UBTD1: variants seen among roughly 807,000 people sequenced by gnomAD.
UBTD1 encodes the protein ubiquitin domain containing 1.
A neutral mutation model predicts 21.7 loss-of-function variants in UBTD1; 19 were observed. That is an observed-to-expected ratio of 0.87 (90% CI 0.61 to 1.28). UBTD1 has a LOEUF of 1.28. Ranked by LOEUF, UBTD1 falls within the 50% of genes most tolerant of loss-of-function variation. UBTD1 has a pLI of 0.00. For missense variants in UBTD1, 282 were observed against 315.1 expected, an observed-to-expected ratio of 0.89 and a Z score of 0.80; for synonymous variants, 116 against 135.1, an observed-to-expected ratio of 0.86 and a Z score of 0.98.
chr10:97,506,085 C>A lies in UBTD1; in HGVS notation c.70+6812C>A, dbSNP rs2040398426. Among the ~76,000 whole-genome samples, 3 of 152,040 alleles carry A rather than the reference C, an allele frequency of 2.0e-5. No homozygotes were observed. The South Asian group carries it at 6.2e-4, about 31-fold the overall frequency. Reference sequence around the variant, plus strand: ...AGCGCCTGCTTGGTGAGAGTGGGACCACAAAAGGTTCTTTCTCTCAAAAGT... The same window carrying A: ...AGCGCCTGCTTGGTGAGAGTGGGACAACAAAAGGTTCTTTCTCTCAAAAGT... On this transcript the variant is annotated intron_variant, in intron 1 of 2. Coordinates refer to ENST00000370664, the MANE Select transcript of UBTD1 (RefSeq NM_024954.5).
chr10:97,500,000 T>C (rs888104287), intron 1 of UBTD1, among the ~76,000 whole-genome samples: 23 of 152,306 alleles, frequency 1.5e-4, no homozygotes, highest in Admixed American at 5.2e-4. Flanking sequence ...AAGAGGTCTG[T>C]CGGTCATTTT....
At chr10:97,526,623 T>A (rs980810186) in intron 1 of UBTD1, among the ~76,000 whole-genome samples, 5 of 152,124 alleles carry the variant, frequency 3.3e-5, no homozygotes, top group African/African-American at 1.2e-4. Flanking sequence ...ATGCCTGCCT[T>A]ACATATCATT....
intron 1 of UBTD1, among the ~76,000 whole-genome samples, chr10:97,526,365 C>T (rs2040488515): frequency 6.6e-6 from 1 of 152,200 alleles, no homozygotes; most frequent in Non-Finnish European, 1.5e-5. Context: ...GCTTTATGCA[C>T]TAAGACTTTG....
Position 97,510,447 on chromosome 10 carries a change from G to C in UBTD1, c.70+11174G>C, listed in dbSNP as rs2135657552. Reference sequence around the variant, plus strand: ...CCTCGGGTAAGTTATTTTGAATTTTGAGGCCTCAGTTTTCTTATCTGTGAA... The same window carrying C: ...CCTCGGGTAAGTTATTTTGAATTTTCAGGCCTCAGTTTTCTTATCTGTGAA... On this transcript the variant is annotated intron_variant, in intron 1 of 2. Transcript: ENST00000370664. Among the ~76,000 whole-genome samples the C allele has an allele frequency of 2.6e-5, 4 of 152,228 alleles. No individual in the cohort carries two copies. The Middle Eastern group carries it at 0.01, about 388-fold the overall frequency.
rs542810668 is a variant in UBTD1, at chr10:97,563,643, C to T, written c.71-4271C>T. Among the ~76,000 whole-genome samples, 8 of 152,000 alleles carry T rather than the reference C, an allele frequency of 5.3e-5. No homozygotes were observed. The South Asian group carries it at 6.2e-4, about 12-fold the overall frequency. ...CACTCCAAGAGGGAGTCAAGAGTGGCGGATTAGGGGTAGTACTAGGAGATA... is the reference window on the plus strand; with the variant it reads ...CACTCCAAGAGGGAGTCAAGAGTGGTGGATTAGGGGTAGTACTAGGAGATA... On this transcript the variant is annotated intron_variant, in intron 1 of 2. Transcript: ENST00000370664.
At chr10:97,535,918 A>C (rs2040557884) in intron 1 of UBTD1, among the ~76,000 whole-genome samples, 1 of 151,128 alleles carries the variant, frequency 6.6e-6, no homozygotes, top group African/African-American at 2.4e-5. Context: ...ATCTTGTCTC[A>C]AAAAAATAAA....
At position 97,519,782 on chromosome 10, in the gene UBTD1, C is replaced by T. The variant is rs1287724028; in HGVS notation, c.70+20509C>T. Among the ~76,000 whole-genome samples, 49 of 152,068 alleles carry T rather than the reference C, an allele frequency of 3.2e-4. 1 individual carries two copies. The highest frequency in any genetic ancestry group is 3.2e-3 in the Admixed American group (49 of 15,260). On this transcript the variant is annotated intron_variant, in intron 1 of 2. Coordinates refer to ENST00000370664, the MANE Select transcript of UBTD1 (RefSeq NM_024954.5). ...TTTAGGTGGGGGTGTATATGGGAAGCCTGTATGTTGATTAAAAGGGGGTAT... is the reference window on the plus strand; with the variant it reads ...TTTAGGTGGGGGTGTATATGGGAAGTCTGTATGTTGATTAAAAGGGGGTAT...
intron 1 of UBTD1, among the ~76,000 whole-genome samples, chr10:97,508,296 G>T (rs1378217954): frequency 6.6e-6 from 1 of 152,226 alleles, no homozygotes; most frequent in Non-Finnish European, 1.5e-5. Context: ...AGAATGGGAA[G>T]AAGAGAACGC....
chr10:97,508,471 A>G (rs988300650), intron 1 of UBTD1, among the ~76,000 whole-genome samples: 1 of 152,194 alleles, frequency 6.6e-6, no homozygotes, highest in Non-Finnish European at 1.5e-5. Flanking sequence ...CAGGAAAATG[A>G]ATGGATTGCC....
At chr10:97,564,834 G>T (rs982660500) in intron 1 of UBTD1, among the ~76,000 whole-genome samples, 1 of 152,162 alleles carries the variant, frequency 6.6e-6, no homozygotes, top group Non-Finnish European at 1.5e-5. Flanking sequence ...AAAGTGTTGG[G>T]ATTACAGGCA....
intron 1 of UBTD1, among the ~76,000 whole-genome samples, chr10:97,549,723 G>T (rs1363927332): frequency 6.6e-6 from 1 of 152,196 alleles, no homozygotes; most frequent in African/African-American, 2.4e-5. Context: ...CCCTGAGCTG[G>T]GGCCCGAGAG....
At chr10:97,562,027 C>A (rs2040694856) in intron 1 of UBTD1, among the ~76,000 whole-genome samples, 1 of 152,198 alleles carries the variant, frequency 6.6e-6, no homozygotes, top group Non-Finnish European at 1.5e-5. Context: ...AAAACGAGTT[C>A]AGGCCATGAT....
intron 1 of UBTD1, among the ~76,000 whole-genome samples, chr10:97,510,558 A>T (rs2040419369): frequency 6.6e-6 from 1 of 152,170 alleles, no homozygotes; most frequent in Admixed American, 6.5e-5. Context: ...GGTGCCTGGG[A>T]CATATTACCT....
intron 1 of UBTD1, among the ~76,000 whole-genome samples, chr10:97,553,977 G>A (rs1330528937): frequency 6.6e-6 from 1 of 152,198 alleles, no homozygotes; most frequent in Non-Finnish European, 1.5e-5. Context: ...GCGGGGAGGG[G>A]ACCCTGAAGG....
intron 1 of UBTD1, among the ~76,000 whole-genome samples, chr10:97,521,941 CT>C (rs2040468497): frequency 6.6e-6 from 1 of 152,218 alleles, no homozygotes; most frequent in African/African-American, 2.4e-5. Flanking sequence ...TTGACTTTTT[CT>C]TTGCCATACT....
chr10:97,524,661 T>C (rs530186639), intron 1 of UBTD1, among the ~76,000 whole-genome samples: 11 of 152,360 alleles, frequency 7.2e-5, no homozygotes, highest in Non-Finnish European at 1.3e-4. Context: ...ATGAGGAGTT[T>C]GTTTTTCTGT....
At chr10:97,503,532 CAT>C (rs2040386408) in intron 1 of UBTD1, among the ~76,000 whole-genome samples, 1 of 152,220 alleles carries the variant, frequency 6.6e-6, no homozygotes, top group South Asian at 2.1e-4. Flanking sequence ...ATGTGCCAGG[CAT>C]ATCCACTTAC....
chr10:97,534,747 G>A lies in UBTD1; in HGVS notation c.71-33167G>A, dbSNP rs76713861. Among the ~76,000 whole-genome samples the A allele has an allele frequency of 4.4e-3, 677 of 152,254 alleles. 19 individuals are homozygous for A. The East Asian group carries it at 0.077, about 17-fold the overall frequency. ...TTTTTCCCTTGCAGATGCTAACACT[G>A]TCTTTACAAACTTGGGCCCATTTGG... On this transcript the variant is annotated intron_variant, in intron 1 of 2. Coordinates refer to ENST00000370664, the MANE Select transcript of UBTD1 (RefSeq NM_024954.5).
At chr10:97,559,112 T>G (rs182482928) in intron 1 of UBTD1, among the ~76,000 whole-genome samples, 1 of 152,186 alleles carries the variant, frequency 6.6e-6, no homozygotes, top group Non-Finnish European at 1.5e-5. Flanking sequence ...CTCCCTGCCA[T>G]GAGAGACACG....
Sources: gnomAD v4.1 joint callset for allele counts (sites outside exome capture counted in the v4.1 genomes callset) on GRCh38, gnomAD v4.1.1 for gene constraint, MANE v1.5 for transcripts, NCBI Gene and HGNC (gene_info 2026-07-23, HGNC 2026-07-21) for gene names.